The following ANGPT1 variants were observed in gnomAD, a reference collection of about 807,000 sequenced individuals.
The protein encoded by ANGPT1 is angiopoietin 1.
Under a neutral mutation model 62.2 loss-of-function variants are expected in ANGPT1, and 17 were observed. That is an observed-to-expected ratio of 0.27 (90% confidence interval 0.19 to 0.41). ANGPT1 has a LOEUF of 0.41. ANGPT1 is among the 10% of genes least tolerant of loss of function. The probability of loss-of-function intolerance (pLI) is 1.00; values close to 1 mark genes in which losing one functional copy is unlikely to be tolerated. For synonymous variants in ANGPT1, 199 were observed against 198.9 expected (o/e 1.00, Z 0.00); for missense variants, 478 against 594.9 (o/e 0.80, Z 2.04).
intron 1 of ANGPT1, among the ~76,000 whole-genome samples, chr8:107,436,008 T>A (rs1811322629): frequency 6.6e-6 from 1 of 152,192 alleles, no homozygotes; most frequent in African/African-American, 2.4e-5. Flanking sequence ...GCCCAAGCCA[T>A]CCTCTCACCT....
intron 1 of ANGPT1, among the ~76,000 whole-genome samples, chr8:107,381,135 C>G (rs1375528571): frequency 6.6e-6 from 1 of 152,136 alleles, no homozygotes; most frequent in Non-Finnish European, 1.5e-5. Context: ...GCCATTGGCT[C>G]TCTTTCTGGT....
chr8:107,342,797 ACACACACAC>A (rs1465268881), intron 2 of ANGPT1, among the ~76,000 whole-genome samples: 22 of 72,402 alleles, frequency 3.0e-4, no homozygotes, highest in African/African-American at 9.9e-4. Context: ...ACACACACAC[ACACACACAC>A]ACACACACAC....
chr8:107,380,822 T>A (rs146318869), intron 1 of ANGPT1, among the ~76,000 whole-genome samples: 1 of 152,222 alleles, frequency 6.6e-6, no homozygotes, highest in Non-Finnish European at 1.5e-5. Flanking sequence ...ACTTTAGTGA[T>A]GGCTGTGTAG....
chr8:107,302,909 A>G (rs1416602487), intron 5 of ANGPT1, among the ~76,000 whole-genome samples: 1 of 151,904 alleles, frequency 6.6e-6, no homozygotes, highest in Non-Finnish European at 1.5e-5. Flanking sequence ...GGTCTTTGGA[A>G]GATGGCTTCT....
intron 6 of ANGPT1, among the ~76,000 whole-genome samples, chr8:107,293,141 T>C (rs902144599): frequency 3.3e-5 from 5 of 151,996 alleles, no homozygotes; most frequent in African/African-American, 1.2e-4. Flanking sequence ...ATATTAAAAA[T>C]TGATAAGAAA....
chr8:107,267,464 T>C (rs1024983837), intron 7 of ANGPT1, among the ~76,000 whole-genome samples: 2 of 152,122 alleles, frequency 1.3e-5, no homozygotes, highest in African/African-American at 4.8e-5. Context: ...ATGTTATCAA[T>C]GCTATGTTAG....
intron 1 of ANGPT1, among the ~76,000 whole-genome samples, chr8:107,496,793 T>C (rs1170088391): frequency 6.6e-6 from 1 of 152,210 alleles, no homozygotes; most frequent in Non-Finnish European, 1.5e-5. Flanking sequence ...TCTCACTTCA[T>C]GTTAATTTTT....
intron 1 of ANGPT1, among the ~76,000 whole-genome samples, chr8:107,359,994 T>C (rs977453042): frequency 6.6e-6 from 1 of 152,176 alleles, no homozygotes; most frequent in Non-Finnish European, 1.5e-5. Context: ...TGGCAAAGTT[T>C]AGTGGTGGCC....
At chr8:107,359,903 C>G (rs776637293) in intron 1 of ANGPT1, among the ~76,000 whole-genome samples, 6 of 151,804 alleles carry the variant, frequency 4.0e-5, no homozygotes, top group Non-Finnish European at 5.9e-5. Flanking sequence ...AATTTTATAC[C>G]CAGAAATAAA....
intron 1 of ANGPT1, among the ~76,000 whole-genome samples, chr8:107,367,176 C>A (rs1225222184): frequency 1.3e-5 from 2 of 152,150 alleles, no homozygotes; most frequent in African/African-American, 4.8e-5. Flanking sequence ...CAGACCACCA[C>A]AATAAAGCAA....
At chr8:107,349,136 A>AGATAGAT (rs1273424394) in intron 1 of ANGPT1, among the ~76,000 whole-genome samples, 2 of 151,454 alleles carry the variant, frequency 1.3e-5, no homozygotes, top group East Asian at 1.9e-4. Context: ...ATAGATAGAT[A>AGATAGAT]GATAGATAGA....
chr8:107,334,563 G>A (rs1031561662), intron 3 of ANGPT1, among the ~76,000 whole-genome samples: 19 of 143,716 alleles, frequency 1.3e-4, no homozygotes, highest in South Asian at 2.3e-4. Flanking sequence ...TATAATAAAC[G>A]TGCTATTGTA....
intron 4 of ANGPT1, among the ~76,000 whole-genome samples, chr8:107,316,593 A>G (rs1200542296): frequency 6.6e-6 from 1 of 152,170 alleles, no homozygotes; most frequent in African/African-American, 2.4e-5. Flanking sequence ...TATTTTTCCT[A>G]CATTGTCACT....
At chr8:107,405,348 T>C (rs1355476710) in intron 1 of ANGPT1, among the ~76,000 whole-genome samples, 1 of 151,912 alleles carries the variant, frequency 6.6e-6, no homozygotes, top group Admixed American at 6.6e-5. Flanking sequence ...ATGTACTATA[T>C]TATGTTTTTA....
intron 1 of ANGPT1, among the ~76,000 whole-genome samples, chr8:107,449,114 T>C (rs1310415928): frequency 6.6e-6 from 1 of 152,044 alleles, no homozygotes; most frequent in African/African-American, 2.4e-5. Flanking sequence ...ATTTTCTCAA[T>C]AGCAGGGGAA....
At chr8:107,339,748 G>A (rs1029742212) in intron 2 of ANGPT1, among the ~76,000 whole-genome samples, 4 of 152,178 alleles carry the variant, frequency 2.6e-5, no homozygotes, top group African/African-American at 7.2e-5. Flanking sequence ...TCATAGCTGA[G>A]TTAGATGACA....
At chr8:107,286,078 C>A (rs952685602) in intron 6 of ANGPT1, among the ~76,000 whole-genome samples, 1 of 152,006 alleles carries the variant, frequency 6.6e-6, no homozygotes, top group Non-Finnish European at 1.5e-5. Context: ...AACCTTAAAG[C>A]ACAATTCTTG....
chr8:107,301,932 T>C (rs1247614046), intron 5 of ANGPT1, among the ~76,000 whole-genome samples: 1 of 151,936 alleles, frequency 6.6e-6, no homozygotes, highest in Non-Finnish European at 1.5e-5. Context: ...GCCAATTAAG[T>C]GGCATCTGGC....
Position 107,290,875 on chromosome 8 carries a change from ATACT to A in ANGPT1, c.1038+3057_1038+3060del, listed in dbSNP as rs1281966447. ...GCTTAGAAATGGATATATTTGGTAA[ATACT>A]TACAAGACATGAATTGATTCCATAC... On this transcript the variant is annotated intron_variant, in intron 6 of 8. Transcript: ENST00000517746. Among the ~76,000 whole-genome samples the A allele has an allele frequency of 3.9e-5, 6 of 152,220 alleles. No homozygotes were observed. In the East Asian group the frequency reaches 7.7e-4, roughly 20 times the overall value.
Sources: allele counts gnomAD v4.1 joint callset (sites outside exome capture counted in the v4.1 genomes callset), GRCh38; gene constraint gnomAD v4.1.1; transcripts MANE v1.5; gene names NCBI Gene and HGNC (gene_info 2026-07-23, HGNC 2026-07-21).